Variants in FAM227B observed in about 807,000 individuals in gnomAD.
FAM227B encodes family with sequence similarity 227 member B.
In FAM227B, 88 loss-of-function variants were observed where a neutral mutation model predicts 73.8. The ratio of observed to expected loss-of-function variants is 1.19; its 90% CI spans 1.00 to 1.42. FAM227B has a LOEUF of 1.42. FAM227B is among the 40% of genes most tolerant of loss of function. The probability of loss-of-function intolerance (pLI) is 0.00; values close to 1 mark genes in which losing one functional copy is unlikely to be tolerated. For synonymous variants in FAM227B, 210 were observed against 190.5 expected (o/e 1.10, Z -0.84); for missense variants, 632 against 590.9 (o/e 1.07, Z -0.72).
In FAM227B at chr15:49,367,626, TAATC is replaced by T. The variant is rs747595528; in HGVS notation, c.1111-22_1111-19del. On this transcript the variant is annotated intron_variant, in intron 12 of 15. Transcript: ENST00000299338. Reference sequence around the variant, plus strand: ...TAGTGCGACTGTAAGAGGAAGAAAATAATCAAGACAACGATTACTTTTGTGTTTC... The same window carrying T: ...TAGTGCGACTGTAAGAGGAAGAAAATAAGACAACGATTACTTTTGTGTTTC... 3.9e-6 allele frequency: 6 copies of T among 1,531,936 alleles called. No individual in the cohort carries two copies. In the East Asian group the frequency reaches 7.6e-5, roughly 19 times the overall value. The allele number at this position is 1,531,936 out of a possible 1,614,324, so 94.9% of individuals were successfully genotyped here.
intron 11 of FAM227B, among the ~76,000 whole-genome samples, chr15:49,385,720 A>T (rs1434327112): frequency 2.6e-5 from 4 of 151,796 alleles, no homozygotes; most frequent in African/African-American, 9.7e-5. Flanking sequence ...CAGAATGGAT[A>T]AAAAAATCAC....
chr15:49,551,772 T>C (rs1415155088), intron 9 of FAM227B, among the ~76,000 whole-genome samples: 1 of 152,206 alleles, frequency 6.6e-6, no homozygotes. Flanking sequence ...TGTTTTTTGG[T>C]TTGAGGTTAC....
intron 11 of FAM227B, among the ~76,000 whole-genome samples, chr15:49,382,139 A>T (rs1035172307): frequency 6.6e-6 from 1 of 152,094 alleles, no homozygotes; most frequent in Non-Finnish European, 1.5e-5. Context: ...GGGCAAACTT[A>T]TTCTAAAGTG....
At chr15:49,550,211 A>C (rs1598138662) in intron 9 of FAM227B, among the ~76,000 whole-genome samples, 14 of 112,614 alleles carry the variant, frequency 1.2e-4, no homozygotes, top group African/African-American at 2.1e-4. Context: ...CGGGGGGCTG[A>C]CCCCCCCACC....
chr15:49,505,128 T>C (rs2058479937), intron 11 of FAM227B, among the ~76,000 whole-genome samples: 1 of 152,176 alleles, frequency 6.6e-6, no homozygotes, highest in South Asian at 2.1e-4. Flanking sequence ...AATAATTATG[T>C]GGAATAAAAA....
chr15:49,400,851 C>G (rs1822366301), intron 11 of FAM227B, among the ~76,000 whole-genome samples: 2 of 150,868 alleles, frequency 1.3e-5, no homozygotes, highest in Admixed American at 1.3e-4. Context: ...AAAATCAATT[C>G]AAGATGGATT....
chr15:49,526,659 C>T (rs2060226705), intron 10 of FAM227B, among the ~76,000 whole-genome samples: 1 of 151,576 alleles, frequency 6.6e-6, no homozygotes, highest in South Asian at 2.1e-4. Context: ...GGTAGATTTG[C>T]CAAGCAAAAA....
chr15:49,508,155 A>G, intron 11 of FAM227B, 56 bp downstream of exon 11: 1 of 1,539,344 alleles, frequency 6.5e-7, no homozygotes. Context: ...CTAATAAATA[A>G]ATTAATTGAT....
At chr15:49,530,924 A>G (rs2060560717) in intron 10 of FAM227B, among the ~76,000 whole-genome samples, 1 of 151,764 alleles carries the variant, frequency 6.6e-6, no homozygotes, top group African/African-American at 2.4e-5. Flanking sequence ...AATCACAAAT[A>G]TAATACATAG....
chr15:49,403,110 T>C (rs556686545), intron 11 of FAM227B, among the ~76,000 whole-genome samples: 2 of 152,326 alleles, frequency 1.3e-5, no homozygotes, highest in Middle Eastern at 6.8e-3. Context: ...GAACCAACCT[T>C]GCATCCCAGG....
chr15:49,429,587 G>A (rs1011340802), intron 11 of FAM227B, among the ~76,000 whole-genome samples: 1 of 151,868 alleles, frequency 6.6e-6, no homozygotes, highest in African/African-American at 2.4e-5. Flanking sequence ...TCAGCTCTTA[G>A]ATATATTGAA....
At position 49,349,990 on chromosome 15, in the gene FAM227B, G is replaced by A. The variant is rs138440312; in HGVS notation, c.1272-14494C>T. ...AACTTTGTTGGTAACTTTGTTGGAT[G>A]GATGAATAAGGTAATATGTAAACTC... On this transcript the variant is annotated intron_variant, in intron 13 of 15. Transcript: ENST00000299338. Among the ~76,000 whole-genome samples the A allele has an allele frequency of 1.9e-3, 290 of 152,262 alleles. 2 individuals are homozygous for A. The highest frequency in any genetic ancestry group is 6.5e-3 in the African/African-American group (269 of 41,542).
In FAM227B at chr15:49,555,531, T is replaced by C. The variant is rs1015412929; in HGVS notation, c.747+12714A>G. Among the ~76,000 whole-genome samples the C allele has an allele frequency of 9.2e-5, 14 of 152,234 alleles. 1 individual carries two copies. The highest frequency in any genetic ancestry group is 7.8e-4 in the Admixed American group (12 of 15,288). On this transcript the variant is annotated intron_variant, in intron 9 of 15. Coordinates refer to ENST00000299338, the MANE Select transcript of FAM227B (RefSeq NM_152647.3). ...GAATCTGATGACTATGTGACTTGGA[T>C]ATGGTCTTCTTGTATAGTATTTTGC...
At chr15:49,557,533 G>A (rs913777077) in intron 9 of FAM227B, among the ~76,000 whole-genome samples, 8 of 152,312 alleles carry the variant, frequency 5.3e-5, no homozygotes, top group Non-Finnish European at 1.0e-4. Context: ...ACAAAGTGGT[G>A]AGTAAATACT....
At chr15:49,498,018 C>T (rs1239234996) in intron 11 of FAM227B, among the ~76,000 whole-genome samples, 3 of 152,152 alleles carry the variant, frequency 2.0e-5, no homozygotes, top group Non-Finnish European at 2.9e-5. Flanking sequence ...CCTCATTCAC[C>T]CTCATCTATT....
chr15:49,498,402 T>G (rs2057814652), intron 11 of FAM227B, among the ~76,000 whole-genome samples: 1 of 152,206 alleles, frequency 6.6e-6, no homozygotes, highest in African/African-American at 2.4e-5. Context: ...AATAGAGCCT[T>G]AGCTCTCTTA....
At chr15:49,569,612 CAGTT>C (rs1331071497) in intron 8 of FAM227B, among the ~76,000 whole-genome samples, 2 of 151,942 alleles carry the variant, frequency 1.3e-5, no homozygotes. Flanking sequence ...TCCATTATCT[CAGTT>C]ACTTATAATT....
chr15:49,380,164 C>G (rs1474692119), intron 11 of FAM227B, among the ~76,000 whole-genome samples: 1 of 152,202 alleles, frequency 6.6e-6, no homozygotes, highest in Non-Finnish European at 1.5e-5. Flanking sequence ...CCACTGACAC[C>G]CCAGGCCATG....
chr15:49,469,018 G>A (rs1162366338), intron 11 of FAM227B, among the ~76,000 whole-genome samples: 1 of 152,074 alleles, frequency 6.6e-6, no homozygotes, highest in Admixed American at 6.5e-5. Context: ...ACAGCTACAT[G>A]TTTTATGTAT....
Sources: gnomAD v4.1 joint callset for allele counts (sites outside exome capture counted in the v4.1 genomes callset) on GRCh38, gnomAD v4.1.1 for gene constraint, MANE v1.5 for transcripts, NCBI Gene and HGNC (gene_info 2026-07-23, HGNC 2026-07-21) for gene names.